Variants in GNAT3 observed in about 807,000 individuals in gnomAD.
GNAT3 encodes the protein G protein subunit alpha transducin 3, also known as guanine nucleotide-binding protein G(t) subunit alpha-3.
Under a neutral mutation model 37.7 loss-of-function variants are expected in GNAT3, and 31 were observed. The observed-to-expected ratio is 0.82, with a 90% CI of 0.62 to 1.11. The LOEUF is 1.11. Among genes scored for constraint, GNAT3 ranks in the 50% most tolerant of loss-of-function variants. The pLI is 0.00. For synonymous variants in GNAT3, 138 were observed against 139.8 expected, an observed-to-expected ratio of 0.99 and a Z score of 0.09; for missense variants, 437 against 412.5, an observed-to-expected ratio of 1.06 and a Z score of -0.51.
rs1790535068 is a variant in GNAT3, at chr7:80,488,668, T to C, written c.170A>G (p.His57Arg). The C allele has an allele frequency of 6.4e-7, 1 of 1,572,730 alleles. No homozygotes were observed. Among genetic ancestry groups the C allele is most frequent in the African/African-American group, 1.3e-5 (1 of 74,454 alleles). ...STIVKQMKII[H>R]KNGYSEQECM... is the part of the protein sequence containing the mutation. ...TTCTTGCTCACTGTAACCATTCTTA[T>C]GGATGATCCTATAATTTAAACATGA... The change falls in exon 3 of 8, where the codon CAT becomes CGT. Residue 57 changes from histidine to arginine, a missense_variant. By Grantham distance (29) the His-to-Arg change is conservative. Coordinates refer to ENST00000398291, the MANE Select transcript of GNAT3 (RefSeq NM_001102386.3).
At chr7:80,500,172 G>C (rs73369081) in intron 1 of GNAT3, among the ~76,000 whole-genome samples, 19,648 of 151,388 alleles carry the variant, frequency 0.13, 3,459 homozygotes, top group African/African-American at 0.4. Flanking sequence ...CCTCACTCCT[G>C]GTGGGCTTGT....
chr7:80,493,424 T>A (rs986108500), intron 2 of GNAT3, among the ~76,000 whole-genome samples: 3 of 152,190 alleles, frequency 2.0e-5, no homozygotes, highest in Non-Finnish European at 4.4e-5. Context: ...TATTGGTTGA[T>A]ATAAAACTTA....
intron 5 of GNAT3, among the ~76,000 whole-genome samples, chr7:80,463,273 T>C (rs1790081490): frequency 6.6e-6 from 1 of 152,142 alleles, no homozygotes; most frequent in African/African-American, 2.4e-5. Context: ...TCATGACACT[T>C]AGAGAAGGTG....
intron 6 of GNAT3, 65 bp downstream of exon 6, chr7:80,462,437 G>T: frequency 3.2e-6 from 5 of 1,577,344 alleles, no homozygotes; most frequent in Non-Finnish European, 3.5e-6. Context: ...TGGGCAATGT[G>T]GTAGTACTAC....
At chr7:80,467,099 A>G (rs1584168852) in intron 5 of GNAT3, among the ~76,000 whole-genome samples, 1 of 152,158 alleles carries the variant, frequency 6.6e-6, no homozygotes, top group Non-Finnish European at 1.5e-5. Context: ...CACAATTAGT[A>G]AAGGATAGAA....
At chr7:80,465,097 A>G (rs1435806221) in intron 5 of GNAT3, among the ~76,000 whole-genome samples, 2 of 152,194 alleles carry the variant, frequency 1.3e-5, no homozygotes, top group Non-Finnish European at 2.9e-5. Context: ...ACATTCTTAC[A>G]GAAACAAGGA....
At chr7:80,493,632 C>G (rs9768995) in intron 2 of GNAT3, among the ~76,000 whole-genome samples, 1 of 106,570 alleles carries the variant, frequency 9.4e-6, no homozygotes, top group Non-Finnish European at 1.9e-5. Context: ...TCTTCCTCCT[C>G]CTCTTTCCTC....
chr7:80,508,845 TG>T (rs1174332820), intron 1 of GNAT3, among the ~76,000 whole-genome samples: 3 of 152,070 alleles, frequency 2.0e-5, no homozygotes, highest in African/African-American at 7.2e-5. Flanking sequence ...GGAAAGTTGG[TG>T]TTATGAGTTT....
chr7:80,486,452 T>TC (rs1378285917), intron 3 of GNAT3: 1 of 148,578 alleles, frequency 6.7e-6, no homozygotes, highest in East Asian at 2.0e-4. Context: ...TCATCTCACT[T>TC]TTTTTTTTTT....
intron 5 of GNAT3, among the ~76,000 whole-genome samples, chr7:80,464,337 G>A (rs1397138864): frequency 6.6e-6 from 1 of 152,026 alleles, no homozygotes; most frequent in African/African-American, 2.4e-5. Context: ...TGAGCCAAAT[G>A]GATATCTGGA....
intron 4 of GNAT3, among the ~76,000 whole-genome samples, chr7:80,475,359 AC>A (rs1302277041): frequency 2.7e-5 from 4 of 150,022 alleles, no homozygotes; most frequent in African/African-American, 7.5e-5. Flanking sequence ...ATGTCTTCAT[AC>A]TAAAAAAAAA....
chr7:80,485,674 A>G (rs1790466528), intron 3 of GNAT3, among the ~76,000 whole-genome samples: 1 of 152,136 alleles, frequency 6.6e-6, no homozygotes, highest in South Asian at 2.1e-4. Flanking sequence ...TTTAATAAAA[A>G]ATAATTTTTT....
At chr7:80,462,421 A>G (rs1790065574) in intron 6 of GNAT3, 81 bp downstream of exon 6, 2 of 1,562,384 alleles carry the variant, frequency 1.3e-6, no homozygotes, top group Non-Finnish European at 1.8e-6. Flanking sequence ...GCAAACCTTC[A>G]TGAGTTGGGC....
chr7:80,493,784 ACCTCTTTCCTCCTCCTCCTCTTTCCTC>A (rs1790655146), intron 2 of GNAT3, among the ~76,000 whole-genome samples: 1 of 27,044 alleles, frequency 3.7e-5, no homozygotes, highest in Non-Finnish European at 7.8e-5. Context: ...TTCCTCCTCC[ACCTCTTTCCTCCTCCTCCTCTTTCCTC>A]CTCCTCCTCT....
At chr7:80,469,370 TC>T (rs1790172878) in intron 5 of GNAT3, among the ~76,000 whole-genome samples, 1 of 152,198 alleles carries the variant, frequency 6.6e-6, no homozygotes, top group African/African-American at 2.4e-5. Context: ...GTCTGCTAAA[TC>T]CCTGTAAATA....
At chr7:80,489,509 G>A (rs965786210) in intron 2 of GNAT3, among the ~76,000 whole-genome samples, 13 of 152,046 alleles carry the variant, frequency 8.6e-5, no homozygotes, top group African/African-American at 2.2e-4. Context: ...GTGTCTACAC[G>A]TATAAAGGCT....
chr7:80,467,571 T>C (rs1790146154), intron 5 of GNAT3, among the ~76,000 whole-genome samples: 1 of 152,090 alleles, frequency 6.6e-6, no homozygotes, highest in Non-Finnish European at 1.5e-5. Context: ...AAATTTTAAT[T>C]TAGTCCTTAT....
At chr7:80,496,304 T>C (rs975571093) in intron 1 of GNAT3, among the ~76,000 whole-genome samples, 1 of 152,176 alleles carries the variant, frequency 6.6e-6, no homozygotes, top group African/African-American at 2.4e-5. Context: ...TTAATTTTTG[T>C]ATTTTTAGTA....
chr7:80,503,348 T>C (rs1790871899), intron 1 of GNAT3, among the ~76,000 whole-genome samples: 1 of 152,176 alleles, frequency 6.6e-6, no homozygotes, highest in African/African-American at 2.4e-5. Context: ...TCATAGAAAT[T>C]AGAATGCAGA....
Sources: allele counts gnomAD v4.1 joint callset (sites outside exome capture counted in the v4.1 genomes callset), GRCh38; gene constraint gnomAD v4.1.1; transcripts MANE v1.5; gene names NCBI Gene and HGNC (gene_info 2026-07-23, HGNC 2026-07-21).